DLG1: variants seen among roughly 807,000 people sequenced by gnomAD.
DLG1 encodes the protein disks large homolog 1.
Under a neutral mutation model 123.4 loss-of-function variants are expected in DLG1, and 42 were observed. The observed-to-expected ratio is 0.34, with a 90% CI of 0.27 to 0.44. The LOEUF is 0.44. DLG1 is among the 20% of genes least tolerant of loss of function. DLG1 has a pLI of 1.00. For missense variants in DLG1, 942 were observed against 1,082.6 expected, an observed-to-expected ratio of 0.87 and a Z score of 1.82; for synonymous variants, 317 against 356.2, an observed-to-expected ratio of 0.89 and a Z score of 1.24.
chr3:197,177,961 A>G (rs557314818), intron 5 of DLG1, among the ~76,000 whole-genome samples: 1 of 152,262 alleles, frequency 6.6e-6, no homozygotes, highest in Admixed American at 6.5e-5. Flanking sequence ...ACAAGTTCGT[A>G]TGTCCCTGTC....
At chr3:197,058,639 C>T (rs1477237333) in intron 23 of DLG1, among the ~76,000 whole-genome samples, 2 of 152,190 alleles carry the variant, frequency 1.3e-5, no homozygotes, top group East Asian at 3.8e-4. Context: ...GTTTTAGTAA[C>T]TGTTTCATGT....
At chr3:197,201,238 G>C (rs544584955) in intron 4 of DLG1, among the ~76,000 whole-genome samples, 3 of 152,296 alleles carry the variant, frequency 2.0e-5, no homozygotes, top group African/African-American at 4.8e-5. Flanking sequence ...AAAAAATTTA[G>C]CTGGGCATGG....
intron 19 of DLG1, among the ~76,000 whole-genome samples, chr3:197,068,017 T>C (rs1165554027): frequency 6.6e-6 from 1 of 152,226 alleles, no homozygotes; most frequent in Non-Finnish European, 1.5e-5. Flanking sequence ...CCTATAACAA[T>C]TTTACCATGA....
chr3:197,060,018 G>A lies in DLG1; in HGVS notation c.2374-20C>T, dbSNP rs762694085. The A allele has an allele frequency of 5.7e-6, 9 of 1,570,168 alleles. No individual in the cohort carries two copies. The highest frequency in any genetic ancestry group is 2.7e-5 in the African/African-American group (2 of 72,982). ...TTTGCCCTAAAATAAAGGGAACAAA[G>A]AAAAAAAACAAGTGAGCCAAATATT... On this transcript the variant is annotated intron_variant, in intron 22 of 24. Transcript: ENST00000667157.
intron 4 of DLG1, among the ~76,000 whole-genome samples, chr3:197,234,725 C>G (rs1382491421): frequency 6.6e-6 from 1 of 152,032 alleles, no homozygotes. Flanking sequence ...TATATAATCA[C>G]AGAAAAATGA....
intron 4 of DLG1, among the ~76,000 whole-genome samples, chr3:197,196,880 C>T (rs1237819201): frequency 6.6e-6 from 1 of 152,014 alleles, no homozygotes; most frequent in Non-Finnish European, 1.5e-5. Flanking sequence ...TATAAATGCA[C>T]TGTTTAAACA....
At chr3:197,262,792 C>T (rs1186639412) in intron 4 of DLG1, among the ~76,000 whole-genome samples, 1 of 152,190 alleles carries the variant, frequency 6.6e-6, no homozygotes, top group Non-Finnish European at 1.5e-5. Context: ...CCTCCTCACA[C>T]ATCTAGTCAG....
At chr3:197,103,016 C>A (rs962551700) in intron 14 of DLG1, among the ~76,000 whole-genome samples, 2 of 152,216 alleles carry the variant, frequency 1.3e-5, no homozygotes, top group Non-Finnish European at 2.9e-5. Flanking sequence ...AGGCAGGCTG[C>A]TTTATCCAAA....
intron 4 of DLG1, among the ~76,000 whole-genome samples, chr3:197,207,282 GGAAATA>G (rs1198163657): frequency 6.6e-6 from 1 of 152,068 alleles, no homozygotes; most frequent in Non-Finnish European, 1.5e-5. Flanking sequence ...GATGGTACAA[GGAAATA>G]GAAGGCCATA....
chr3:197,206,455 A>G (rs1440129218), intron 4 of DLG1, among the ~76,000 whole-genome samples: 1 of 152,138 alleles, frequency 6.6e-6, no homozygotes, highest in South Asian at 2.1e-4. Flanking sequence ...ACAAGCCACC[A>G]TGCCCAGCTA....
intron 3 of DLG1, among the ~76,000 whole-genome samples, chr3:197,294,639 C>T (rs1366817556): frequency 3.3e-5 from 4 of 120,672 alleles, no homozygotes; most frequent in Admixed American, 2.1e-4. Context: ...GCCTGGGTGA[C>T]AGAGTGAGAC....
At chr3:197,114,411 C>T (rs1009381358) in intron 13 of DLG1, among the ~76,000 whole-genome samples, 1 of 152,180 alleles carries the variant, frequency 6.6e-6, no homozygotes, top group Non-Finnish European at 1.5e-5. Flanking sequence ...TAAATAGAAA[C>T]AACACGCCAG....
intron 5 of DLG1, among the ~76,000 whole-genome samples, chr3:197,160,758 C>A (rs907961630): frequency 3.3e-5 from 5 of 152,024 alleles, no homozygotes; most frequent in Non-Finnish European, 7.4e-5. Flanking sequence ...GCTGATATAT[C>A]ATTTTTTCCC....
At chr3:197,260,283 A>T (rs1758760445) in intron 4 of DLG1, 1 of 441,832 alleles carries the variant, frequency 2.3e-6, no homozygotes, top group Admixed American at 2.5e-5. Context: ...TGCACAGGCA[A>T]TCCATTACTC....
At chr3:197,200,839 A>C (rs996401466) in intron 4 of DLG1, among the ~76,000 whole-genome samples, 2 of 151,894 alleles carry the variant, frequency 1.3e-5, no homozygotes, top group African/African-American at 4.8e-5. Context: ...ATATCTCAAC[A>C]AAAAAAAGAC....
At chr3:197,047,956 T>C (rs1185147228) in intron 24 of DLG1, among the ~76,000 whole-genome samples, 1 of 151,982 alleles carries the variant, frequency 6.6e-6, no homozygotes, top group Admixed American at 6.6e-5. Flanking sequence ...ATCAACAAAA[T>C]GAAAAGGCAA....
intron 4 of DLG1, among the ~76,000 whole-genome samples, chr3:197,231,748 A>G (rs1032586023): frequency 6.6e-6 from 1 of 151,998 alleles, no homozygotes; most frequent in African/African-American, 2.4e-5. Flanking sequence ...AAAAACAAAA[A>G]CCACTAAAAT....
intron 6 of DLG1, among the ~76,000 whole-genome samples, chr3:197,145,290 T>A (rs1283084904): frequency 1.3e-5 from 2 of 152,220 alleles, no homozygotes; most frequent in Non-Finnish European, 2.9e-5. Context: ...AGTCTATCAG[T>A]CTTTATCGAA....
At chr3:197,116,996 T>C (rs1405391820) in intron 12 of DLG1, among the ~76,000 whole-genome samples, 1 of 152,204 alleles carries the variant, frequency 6.6e-6, no homozygotes, top group Non-Finnish European at 1.5e-5. Context: ...TAGGAAATTA[T>C]ACTTGATTAA....
Sources: allele counts gnomAD v4.1 joint callset (sites outside exome capture counted in the v4.1 genomes callset), GRCh38; gene constraint gnomAD v4.1.1; transcripts MANE v1.5; gene names NCBI Gene and HGNC (gene_info 2026-07-23, HGNC 2026-07-21).